The following KIF6 variants were observed in gnomAD, a reference collection of about 807,000 sequenced individuals.
KIF6 encodes the protein kinesin-like protein KIF6.
A neutral mutation model predicts 112.7 loss-of-function variants in KIF6; 106 were observed. That is an observed-to-expected ratio of 0.94 (90% CI 0.80 to 1.11). KIF6 has a LOEUF of 1.11. Among genes scored for constraint, KIF6 ranks in the 50% least tolerant of loss-of-function variants. KIF6 has a pLI of 0.00. For synonymous variants in KIF6, 339 were observed against 339.9 expected (o/e 1.00, Z 0.03); for missense variants, 929 against 964.0 (o/e 0.96, Z 0.48).
chr6:39,544,922 T>A (rs765323252), intron 11 of KIF6, among the ~76,000 whole-genome samples: 3 of 152,090 alleles, frequency 2.0e-5, no homozygotes, highest in Non-Finnish European at 4.4e-5. Flanking sequence ...CCATCTTATC[T>A]CTCCTTCCCT....
At position 39,419,228 on chromosome 6, in the gene KIF6, C is replaced by T. The variant is rs1770159512; in HGVS notation, c.1810+720G>A. Among the ~76,000 whole-genome samples, 7 of 151,750 alleles carry T rather than the reference C, an allele frequency of 4.6e-5. 1 individual carries two copies. The South Asian group carries it at 1.5e-3, about 32-fold the overall frequency. ...AATTAGCTGGGTGTGATGGCATGCA[C>T]CCATAGTCCCAGTCACATGGGAAGC... On this transcript the variant is annotated intron_variant, in intron 15 of 22. Coordinates refer to ENST00000287152, the MANE Select transcript of KIF6 (RefSeq NM_145027.6).
At chr6:39,638,491 C>A (rs552658569) in intron 4 of KIF6, among the ~76,000 whole-genome samples, 44 of 152,208 alleles carry the variant, frequency 2.9e-4, no homozygotes, top group Non-Finnish European at 5.7e-4. Flanking sequence ...GGCTTTGGAT[C>A]CAACATATAT....
At chr6:39,568,546 CT>C (rs1780448802) in intron 10 of KIF6, among the ~76,000 whole-genome samples, 1 of 151,540 alleles carries the variant, frequency 6.6e-6, no homozygotes, top group Non-Finnish European at 1.5e-5. Context: ...ATTTTCTTTT[CT>C]TTTCTTTTTT....
intron 10 of KIF6, among the ~76,000 whole-genome samples, chr6:39,548,378 T>A (rs555489796): frequency 6.6e-6 from 1 of 152,308 alleles, no homozygotes; most frequent in East Asian, 1.9e-4. Flanking sequence ...AGGGACATGA[T>A]CCAAAGAAAT....
At chr6:39,687,432 G>T (rs1393473888) in intron 3 of KIF6, among the ~76,000 whole-genome samples, 1 of 152,168 alleles carries the variant, frequency 6.6e-6, no homozygotes, top group South Asian at 2.1e-4. Context: ...TGTTGGCAAA[G>T]AATTGTTCTC....
At chr6:39,340,915 C>A (rs939810961) in intron 22 of KIF6, among the ~76,000 whole-genome samples, 5 of 152,144 alleles carry the variant, frequency 3.3e-5, no homozygotes, top group African/African-American at 1.2e-4. Flanking sequence ...GAAGGGATAT[C>A]TCAGCTCAAA....
chr6:39,519,746 C>T (rs1055157379), intron 13 of KIF6, among the ~76,000 whole-genome samples: 9 of 90,874 alleles, frequency 9.9e-5, no homozygotes, highest in South Asian at 4.2e-4. Context: ...GCCAGCCGGG[C>T]GCCGCGGCTC....
chr6:39,499,456 G>A (rs1279063164), intron 13 of KIF6, among the ~76,000 whole-genome samples: 7 of 152,106 alleles, frequency 4.6e-5, no homozygotes, highest in African/African-American at 1.7e-4. Context: ...GAGAAGCCTT[G>A]GGCCAATGGG....
intron 13 of KIF6, among the ~76,000 whole-genome samples, chr6:39,464,515 C>T (rs1196446979): frequency 2.0e-5 from 3 of 152,182 alleles, no homozygotes; most frequent in Non-Finnish European, 4.4e-5. Flanking sequence ...TTCTTGACCT[C>T]ACACAGCCAT....
chr6:39,667,853 T>C (rs1350641780), intron 3 of KIF6, among the ~76,000 whole-genome samples: 3 of 152,142 alleles, frequency 2.0e-5, no homozygotes, highest in African/African-American at 4.8e-5. Context: ...AAATCTTACA[T>C]TGAAATGTAA....
intron 3 of KIF6, among the ~76,000 whole-genome samples, chr6:39,641,499 G>A (rs545906826): frequency 1.8e-3 from 279 of 152,082 alleles, no homozygotes; most frequent in African/African-American, 6.2e-3. Context: ...GTTGTGAGGT[G>A]GGGGGACGGG....
At chr6:39,681,013 GTGTC>G (rs1346485604) in intron 3 of KIF6, among the ~76,000 whole-genome samples, 2 of 152,088 alleles carry the variant, frequency 1.3e-5, no homozygotes, top group East Asian at 1.9e-4. Context: ...GGGAATAAAT[GTGTC>G]TGTCTGAGAA....
intron 9 of KIF6, among the ~76,000 whole-genome samples, chr6:39,580,180 A>G (rs915072820): frequency 6.6e-6 from 1 of 152,098 alleles, no homozygotes; most frequent in African/African-American, 2.4e-5. Flanking sequence ...AAGGATCTAT[A>G]ATTTTCTTTT....
intron 3 of KIF6, among the ~76,000 whole-genome samples, chr6:39,641,513 G>A (rs2199173): frequency 0.041 from 6,225 of 151,994 alleles, 365 homozygotes; most frequent in African/African-American, 0.14. Flanking sequence ...GGACGGGGGA[G>A]GGATAGCATT....
intron 13 of KIF6, among the ~76,000 whole-genome samples, chr6:39,514,685 A>C (rs1472336619): frequency 2.0e-5 from 3 of 152,244 alleles, no homozygotes; most frequent in Non-Finnish European, 4.4e-5. Context: ...TATAGGGAAA[A>C]AAGATGTAAT....
chr6:39,386,382 C>A (rs1298421603), intron 15 of KIF6, among the ~76,000 whole-genome samples: 1 of 152,070 alleles, frequency 6.6e-6, no homozygotes, highest in Admixed American at 6.5e-5. Context: ...TTTAAGGTGA[C>A]ATGAGACATT....
chr6:39,339,979 G>A (rs1763234394), intron 22 of KIF6, among the ~76,000 whole-genome samples: 1 of 152,214 alleles, frequency 6.6e-6, no homozygotes, highest in Admixed American at 6.5e-5. Context: ...GAGAGCCCAG[G>A]CAGGGAGAGG....
intron 3 of KIF6, among the ~76,000 whole-genome samples, chr6:39,646,533 T>G (rs1785180995): frequency 6.6e-6 from 1 of 152,154 alleles, no homozygotes; most frequent in Non-Finnish European, 1.5e-5. Context: ...AAGCAGCACC[T>G]TAAAAGTTTA....
chr6:39,662,184 G>A (rs1240648038), intron 3 of KIF6, among the ~76,000 whole-genome samples: 2 of 152,088 alleles, frequency 1.3e-5, no homozygotes, highest in South Asian at 2.1e-4. Flanking sequence ...GATATTAAGT[G>A]GTGTAAGTAC....
Sources: gnomAD v4.1 joint callset for allele counts (sites outside exome capture counted in the v4.1 genomes callset) on GRCh38, gnomAD v4.1.1 for gene constraint, MANE v1.5 for transcripts, NCBI Gene and HGNC (gene_info 2026-07-23, HGNC 2026-07-21) for gene names.